TTC27: variants seen among roughly 807,000 people sequenced by gnomAD.
The protein encoded by TTC27 is tetratricopeptide repeat domain 27, also known as tetratricopeptide repeat protein 27.
In TTC27, 79 loss-of-function variants were observed where a neutral mutation model predicts 115.9. The ratio of observed to expected loss-of-function variants is 0.68; its 90% CI spans 0.57 to 0.82. The LOEUF (loss-of-function observed/expected upper bound fraction) is 0.82. TTC27 is among the 40% of genes least tolerant of loss of function. The pLI is 0.00. For missense variants in TTC27, 1,054 were observed against 993.1 expected, an observed-to-expected ratio of 1.06 and a Z score of -0.82; for synonymous variants, 401 against 356.0, an observed-to-expected ratio of 1.13 and a Z score of -1.42.
chr2:32,815,386 C>T (rs2148051158), intron 18 of TTC27, among the ~76,000 whole-genome samples: 1 of 151,694 alleles, frequency 6.6e-6, no homozygotes, highest in Non-Finnish European at 1.5e-5. Context: ...TACAGGCGCC[C>T]ACCACCACGC....
At chr2:32,672,477 C>A in intron 8 of TTC27, 93 bp downstream of exon 8, 1 of 942,252 alleles carries the variant, frequency 1.1e-6, no homozygotes, top group Non-Finnish European at 1.7e-6. Flanking sequence ...TCCAAGAGTT[C>A]TGGATGAATA....
intron 10 of TTC27, among the ~76,000 whole-genome samples, chr2:32,715,311 A>G (rs1667718240): frequency 6.6e-6 from 1 of 152,044 alleles, no homozygotes; most frequent in Admixed American, 6.6e-5. Flanking sequence ...TTATCCCAGC[A>G]CCATTTGTTG....
rs61200693 is a variant in TTC27, at chr2:32,685,037, T to A, written c.1119+6115T>A. ...TTCCTTTTTTTTTTTTTTTTTTTTT[T>A]AATTTTATTATTAGATGGAGTCTTG... On this transcript the variant is annotated intron_variant, in intron 9 of 19. Coordinates refer to ENST00000317907, the MANE Select transcript of TTC27 (RefSeq NM_017735.5). Among the ~76,000 whole-genome samples the A allele has an allele frequency of 4.3e-3, 619 of 144,906 alleles. 5 individuals are homozygous for A. The highest frequency in any genetic ancestry group is 0.015 in the African/African-American group (599 of 39,328).
chr2:32,767,617 G>A (rs991655974), intron 13 of TTC27, among the ~76,000 whole-genome samples: 40 of 150,970 alleles, frequency 2.6e-4, no homozygotes, highest in Non-Finnish European at 5.0e-4. Flanking sequence ...GCCCGCCACC[G>A]CGCCCGGCTA....
At chr2:32,698,456 A>T (rs111643876) in intron 9 of TTC27, among the ~76,000 whole-genome samples, 1,567 of 146,502 alleles carry the variant, frequency 0.011, 13 homozygotes, top group Middle Eastern at 0.019. Flanking sequence ...TATTATTATT[A>T]TTTTTTAGCA....
intron 6 of TTC27, among the ~76,000 whole-genome samples, chr2:32,665,047 A>G (rs1428903950): frequency 6.6e-6 from 1 of 151,406 alleles, no homozygotes; most frequent in Non-Finnish European, 1.5e-5. Context: ...TGGTTTCACC[A>G]TGTTGGCCAG....
chr2:32,630,609 A>G lies in TTC27; in HGVS notation c.175A>G (p.Thr59Ala), dbSNP rs751091929. 1.4e-5 allele frequency: 23 copies of G among 1,613,682 alleles called. No individual in the cohort carries two copies. Among genetic ancestry groups the G allele is most frequent in the East Asian group, 4.5e-5 (2 of 44,872 alleles). Residue 59 changes from threonine (T) to alanine (A), a missense_variant, in exon 2 of 20, where the codon ACA becomes GCA. Physicochemically the swap from Thr to Ala is moderately conservative, Grantham distance 58 (BLOSUM62 0). Transcript: ENST00000317907. Reference sequence around the variant, plus strand: ...AATGACTCAAAATATTTTTAATTCAACAACAACCGCTGAAGAAAAGATTGA... The same window carrying G: ...AATGACTCAAAATATTTTTAATTCAGCAACAACCGCTGAAGAAAAGATTGA... ...NSMTQNIFNS[T>A]TTAEEKIDSY...
chr2:32,819,975 A>G (rs1671626830), intron 19 of TTC27, among the ~76,000 whole-genome samples: 1 of 152,228 alleles, frequency 6.6e-6, no homozygotes. Context: ...ATGTGAGGCT[A>G]GGTTATTTTC....
rs368823585 is a variant in TTC27 at position 32,702,958 on chromosome 2, C to T, written c.1233+38C>T. Reference sequence around the variant, plus strand: ...GTGGCAATTTGTGTGCTTCTTCCAACTCTCTATTGCTATCAGTAAGCATAC... The same window carrying T: ...GTGGCAATTTGTGTGCTTCTTCCAATTCTCTATTGCTATCAGTAAGCATAC... On this transcript the variant is annotated intron_variant, in intron 10 of 19. Coordinates refer to ENST00000317907, the MANE Select transcript of TTC27 (RefSeq NM_017735.5). The T allele has an allele frequency of 9.5e-6, 13 of 1,367,266 alleles. No homozygotes were observed. In the African/African-American group the frequency reaches 1.4e-4, roughly 15 times the overall value. The allele number at this position is 1,367,266 out of a possible 1,614,324, so 84.7% of individuals were successfully genotyped here.
intron 9 of TTC27, among the ~76,000 whole-genome samples, chr2:32,692,036 G>GTTTTTTTTTTTTTT (rs779547700): frequency 0.042 from 2,586 of 61,204 alleles, 522 homozygotes; most frequent in Non-Finnish European, 0.054. Context: ...AATTTTTTAG[G>GTTTTTTTTTTTTTT]TTTTTTTTTT....
intron 5 of TTC27, among the ~76,000 whole-genome samples, chr2:32,658,591 C>T (rs1237064705): frequency 6.6e-6 from 1 of 152,246 alleles, no homozygotes; most frequent in African/African-American, 2.4e-5. Context: ...CTTTGTGTTC[C>T]ATTCATTCAT....
intron 9 of TTC27, among the ~76,000 whole-genome samples, chr2:32,697,048 C>T (rs941362646): frequency 6.6e-6 from 1 of 151,936 alleles, no homozygotes; most frequent in Non-Finnish European, 1.5e-5. Context: ...AATAATTAGC[C>T]AGGTGTGGTG....
chr2:32,764,561 A>G (rs1415028141), intron 13 of TTC27, among the ~76,000 whole-genome samples: 1 of 152,188 alleles, frequency 6.6e-6, no homozygotes, highest in Non-Finnish European at 1.5e-5. Flanking sequence ...TGGTTACTAA[A>G]GGCTGGAGTA....
intron 16 of TTC27, among the ~76,000 whole-genome samples, chr2:32,791,714 A>G (rs1670543257): frequency 1.3e-5 from 2 of 152,104 alleles, no homozygotes; most frequent in South Asian, 2.1e-4. Flanking sequence ...TTCAGACATA[A>G]TGTGCAGATA....
At chr2:32,806,081 A>G (rs1270844370) in intron 16 of TTC27, among the ~76,000 whole-genome samples, 3 of 152,242 alleles carry the variant, frequency 2.0e-5, no homozygotes, top group Admixed American at 2.0e-4. Context: ...CCCAAGAGTC[A>G]TTCCACCTCT....
intron 3 of TTC27, among the ~76,000 whole-genome samples, chr2:32,634,511 A>G (rs1361905743): frequency 6.6e-6 from 1 of 150,970 alleles, no homozygotes; most frequent in Non-Finnish European, 1.5e-5. Flanking sequence ...CTGGTCTGAA[A>G]CTCCTGGGCT....
intron 8 of TTC27, among the ~76,000 whole-genome samples, chr2:32,673,573 A>T (rs79774866): frequency 1.4e-3 from 218 of 152,252 alleles, no homozygotes; most frequent in African/African-American, 5.0e-3. Context: ...AAGTTTTGTT[A>T]TTCTCATTGC....
At chr2:32,690,894 C>T (rs1158841848) in intron 9 of TTC27, among the ~76,000 whole-genome samples, 1 of 152,102 alleles carries the variant, frequency 6.6e-6, no homozygotes, top group South Asian at 2.1e-4. Flanking sequence ...TTCTTTGTTC[C>T]TTGCTTTGGA....
At chr2:32,700,057 G>C (rs1266097176) in intron 9 of TTC27, among the ~76,000 whole-genome samples, 1 of 152,208 alleles carries the variant, frequency 6.6e-6, no homozygotes, top group African/African-American at 2.4e-5. Context: ...AGAATGATCA[G>C]TGTGGTTGGA....
Sources: allele counts gnomAD v4.1 joint callset (sites outside exome capture counted in the v4.1 genomes callset), GRCh38; gene constraint gnomAD v4.1.1; transcripts MANE v1.5; gene names NCBI Gene and HGNC (gene_info 2026-07-23, HGNC 2026-07-21).